UTRN: variants seen among roughly 807,000 people sequenced by gnomAD.
The protein encoded by UTRN is utrophin.
A neutral mutation model predicts 463.9 loss-of-function variants in UTRN; 283 were observed. The ratio of observed to expected loss-of-function variants is 0.61; its 90% CI spans 0.55 to 0.67. UTRN has a LOEUF of 0.67. UTRN is among the 30% of genes least tolerant of loss of function. The pLI is 0.00. For synonymous variants in UTRN, 1,442 were observed against 1,431.5 expected (o/e 1.01, Z -0.17); for missense variants, 3,922 against 4,084.3 (o/e 0.96, Z 1.08).
chr6:144,777,750 A>G (rs552709499), intron 60 of UTRN, among the ~76,000 whole-genome samples: 52 of 152,328 alleles, frequency 3.4e-4, no homozygotes, highest in African/African-American at 1.2e-3. Flanking sequence ...TAGTGGGCAT[A>G]TGAGCCAGGC....
At chr6:144,494,511 A>G (rs1054077487) in intron 33 of UTRN, among the ~76,000 whole-genome samples, 1 of 152,214 alleles carries the variant, frequency 6.6e-6, no homozygotes, top group African/African-American at 2.4e-5. Flanking sequence ...AAGCTTCCAC[A>G]GTGTGGAAGG....
intron 64 of UTRN, among the ~76,000 whole-genome samples, chr6:144,802,410 G>A (rs569688666): frequency 6.3e-4 from 96 of 152,096 alleles, no homozygotes; most frequent in Non-Finnish European, 1.1e-3. Context: ...TGTAGATGTG[G>A]GTATAATTTA....
intron 45 of UTRN, among the ~76,000 whole-genome samples, chr6:144,541,320 A>C (rs1417570515): frequency 6.6e-6 from 1 of 152,182 alleles, no homozygotes; most frequent in Admixed American, 6.5e-5. Context: ...GTCACTTGCC[A>C]GAAAGGTTGT....
chr6:144,827,505 G>A (rs1676707838), intron 67 of UTRN, 106 bp from the exon 68 acceptor site: 2 of 1,593,916 alleles, frequency 1.3e-6, no homozygotes, highest in Admixed American at 3.4e-5. Flanking sequence ...AATCCTAGTG[G>A]TCTGTTTGCA....
chr6:144,549,299 C>A (rs183135710), intron 47 of UTRN, among the ~76,000 whole-genome samples: 3 of 152,106 alleles, frequency 2.0e-5, no homozygotes, highest in Non-Finnish European at 2.9e-5. Context: ...TGTAAAAATT[C>A]TTTTTCCCTA....
intron 53 of UTRN, among the ~76,000 whole-genome samples, chr6:144,716,771 C>T (rs183082454): frequency 5.7e-4 from 86 of 152,148 alleles, no homozygotes; most frequent in Non-Finnish European, 1.1e-3. Context: ...GTTTTTATGT[C>T]ATCTTTTTCA....
Position 144,618,501 on chromosome 6 carries a change from G to T in UTRN, c.7479+41213G>T, listed in dbSNP as rs183562505. Reference sequence around the variant, plus strand: ...AAACACATGCTTATTTATTAGGCATGCACTAACTGTACTTTGGTTACAGGC... The same window carrying T: ...AAACACATGCTTATTTATTAGGCATTCACTAACTGTACTTTGGTTACAGGC... On this transcript the variant is annotated intron_variant, in intron 51 of 74. Coordinates refer to ENST00000367545, the MANE Select transcript of UTRN (RefSeq NM_007124.3). 5.0e-3 allele frequency among the ~76,000 whole-genome samples: 762 copies of T among 152,132 alleles called. 17 individuals are homozygous for T. The South Asian group carries it at 0.071, about 14-fold the overall frequency.
At chr6:144,414,039 G>A (rs1267245623) in intron 3 of UTRN, among the ~76,000 whole-genome samples, 1 of 151,942 alleles carries the variant, frequency 6.6e-6, no homozygotes, top group African/African-American at 2.4e-5. Flanking sequence ...CTGATCTCAT[G>A]ATCTGCCCGC....
intron 65 of UTRN, among the ~76,000 whole-genome samples, chr6:144,809,743 GC>G (rs1266569373): frequency 2.0e-5 from 3 of 152,026 alleles, no homozygotes; most frequent in African/African-American, 7.2e-5. Context: ...ACAGATGATA[GC>G]CCTGTCTGGC....
intron 50 of UTRN, among the ~76,000 whole-genome samples, chr6:144,576,370 T>A (rs888031022): frequency 6.6e-6 from 1 of 152,190 alleles, no homozygotes; most frequent in African/African-American, 2.4e-5. Context: ...TACAGGTGTG[T>A]GTATCTCTTA....
chr6:144,459,382 G>C (rs1789183995), intron 21 of UTRN, 28 bp downstream of exon 21: 2 of 1,556,592 alleles, frequency 1.3e-6, no homozygotes, highest in South Asian at 2.4e-5. Flanking sequence ...AAAATCTCCT[G>C]TCTCAGTTTG....
At chr6:144,742,420 T>C (rs1179709728) in intron 54 of UTRN, among the ~76,000 whole-genome samples, 1 of 152,098 alleles carries the variant, frequency 6.6e-6, no homozygotes, top group Non-Finnish European at 1.5e-5. Context: ...TATCAGAAAA[T>C]TAGGAAATAA....
chr6:144,321,461 CTTTTTTTTTTTTTT>C (rs529134208), intron 2 of UTRN, among the ~76,000 whole-genome samples: 2 of 100,444 alleles, frequency 2.0e-5, no homozygotes, highest in Admixed American at 2.3e-4. Flanking sequence ...TGTGCCATAT[CTTTTTTTTTTTTTT>C]TTTTTTTTTT....
intron 27 of UTRN, among the ~76,000 whole-genome samples, chr6:144,484,558 T>G (rs1447339689): frequency 6.8e-6 from 1 of 147,340 alleles, no homozygotes; most frequent in Non-Finnish European, 1.5e-5. Context: ...TTCTCCTGCC[T>G]CAGCCTCCCG....
chr6:144,404,653 A>G (rs886348408), intron 3 of UTRN, among the ~76,000 whole-genome samples: 1 of 152,218 alleles, frequency 6.6e-6, no homozygotes, highest in Non-Finnish European at 1.5e-5. Context: ...GATTGTTTTG[A>G]AAGCATTAAA....
At chr6:144,665,101 G>A (rs546091253) in intron 51 of UTRN, among the ~76,000 whole-genome samples, 1 of 152,130 alleles carries the variant, frequency 6.6e-6, no homozygotes, top group Admixed American at 6.5e-5. Context: ...TCAGGAAAGG[G>A]GTCAGAACTC....
chr6:144,586,254 A>G (rs1802450620), intron 51 of UTRN, among the ~76,000 whole-genome samples: 1 of 152,046 alleles, frequency 6.6e-6, no homozygotes, highest in Non-Finnish European at 1.5e-5. Flanking sequence ...GAGTTAAAAT[A>G]TACTCCCCTC....
At chr6:144,517,159 T>G (rs1795689627) in intron 39 of UTRN, among the ~76,000 whole-genome samples, 1 of 151,918 alleles carries the variant, frequency 6.6e-6, no homozygotes, top group South Asian at 2.1e-4. Flanking sequence ...CCATCTCTTT[T>G]GGATTTCTGA....
chr6:144,379,448 T>C (rs981255871), intron 2 of UTRN, among the ~76,000 whole-genome samples: 3 of 152,144 alleles, frequency 2.0e-5, no homozygotes, highest in African/African-American at 7.2e-5. Flanking sequence ...AAGGTCTCAG[T>C]TCCCTGCTGG....
Sources: gnomAD v4.1 joint callset for allele counts (sites outside exome capture counted in the v4.1 genomes callset) on GRCh38, gnomAD v4.1.1 for gene constraint, MANE v1.5 for transcripts, NCBI Gene and HGNC (gene_info 2026-07-23, HGNC 2026-07-21) for gene names.